PLXNB2: variants seen among roughly 807,000 people sequenced by gnomAD.
PLXNB2 encodes plexin B2.
PLXNB2 carries 85 observed loss-of-function variants against 202.6 expected under a neutral mutation model. That is an observed-to-expected ratio of 0.42 (90% CI 0.35 to 0.50). The LOEUF (loss-of-function observed/expected upper bound fraction) is 0.50, where lower values mean the gene tolerates loss of function less well. PLXNB2 is among the 20% of genes least tolerant of loss of function. The pLI is 0.02. For missense variants in PLXNB2, 2,063 were observed against 2,586.2 expected (o/e 0.80, Z 4.39); for synonymous variants, 1,239 against 1,137.6 (o/e 1.09, Z -1.79).
chr22:50,281,776 G>T, intron 20 of PLXNB2, 34 bp from the exon 21 acceptor site: 1 of 1,565,448 alleles, frequency 6.4e-7, no homozygotes. Context: ...GTGAGGAGGA[G>T]GGAACCAGGG....
In PLXNB2 at chr22:50,281,761, T is replaced by G; in HGVS notation, c.3346-19A>C. 1 of 1,559,252 alleles carries G rather than the reference T, an allele frequency of 6.4e-7. No homozygotes were observed. Among genetic ancestry groups the G allele is most frequent in the Non-Finnish European group, 8.7e-7 (1 of 1,151,750 alleles). On this transcript the variant is annotated intron_variant, in intron 20 of 36. Coordinates refer to ENST00000359337, the MANE Select transcript of PLXNB2 (RefSeq NM_012401.4). ...TGGTGCCCTGGGGAGGCGGCAGTGG[T>G]CGGGGTGAGGAGGAGGGAACCAGGG...
chr22:50,295,611 A>G (rs994919012), intron 1 of PLXNB2, among the ~76,000 whole-genome samples: 2 of 152,204 alleles, frequency 1.3e-5, no homozygotes, highest in South Asian at 4.1e-4. Context: ...AGGGAGGCAC[A>G]GACCCAGGGT....
chr22:50,282,630 CT>C, intron 18 of PLXNB2, 80 bp downstream of exon 18: 1 of 1,010,598 alleles, frequency 9.9e-7, no homozygotes, highest in Non-Finnish European at 1.4e-6. Flanking sequence ...CACCACATTC[CT>C]TTCAGCACAG....
intron 1 of PLXNB2, among the ~76,000 whole-genome samples, chr22:50,306,465 T>C (rs754758363): frequency 6.6e-6 from 1 of 152,214 alleles, no homozygotes; most frequent in Non-Finnish European, 1.5e-5. Flanking sequence ...CAGGGTCATC[T>C]GGGCATGGGG....
chr22:50,284,278 C>A lies in PLXNB2; in HGVS notation c.2182-65G>T, dbSNP rs1569166153. ...ACAGAGGGGCGTGGGGCGGGGGTCA[C>A]AAGGGCAGCCTCCCTGTGGCCACCG... is the stretch of plus-strand genomic sequence containing the variant. On this transcript the variant is annotated intron_variant, in intron 12 of 36. Coordinates refer to ENST00000359337, the MANE Select transcript of PLXNB2 (RefSeq NM_012401.4). This position sits in a 1 kb window ranked among gnomAD's most constrained non-coding sequence, Gnocchi z 8.0. The A allele has an allele frequency of 6.2e-6, 9 of 1,451,116 alleles. No individual in the cohort carries two copies. Among genetic ancestry groups the A allele is most frequent in the Admixed American group, 1.7e-5 (1 of 59,598 alleles). The allele number at this position is 1,451,116 out of a possible 1,614,324, so 89.9% of individuals were successfully genotyped here.
At chr22:50,298,165 G>A (rs941406441) in intron 1 of PLXNB2, among the ~76,000 whole-genome samples, 5 of 152,246 alleles carry the variant, frequency 3.3e-5, no homozygotes, top group African/African-American at 1.2e-4. Flanking sequence ...GTGACATGCA[G>A]GGGCGCGAGC....
At chr22:50,302,395 C>T (rs2067738256) in intron 1 of PLXNB2, among the ~76,000 whole-genome samples, 1 of 152,120 alleles carries the variant, frequency 6.6e-6, no homozygotes, top group Non-Finnish European at 1.5e-5. Flanking sequence ...GAGGTGGGTG[C>T]CCCTGGAGGC....
rs1601697711 is a variant in PLXNB2, at chr22:50,282,944, A to C, written c.2817-63T>G. On this transcript the variant is annotated intron_variant, in intron 17 of 36. Transcript: ENST00000359337. ...CCCCGGGACCAGCCCCAGCCCGACCAGGCTGGCCCCGCCATCCCCTCAGGG... is the reference window on the plus strand; with the variant it reads ...CCCCGGGACCAGCCCCAGCCCGACCCGGCTGGCCCCGCCATCCCCTCAGGG... 8.4e-6 allele frequency: 13 copies of C among 1,555,936 alleles called. No individual in the cohort carries two copies. In the Admixed American group the frequency reaches 2.4e-4, roughly 28 times the overall value.
intron 2 of PLXNB2, among the ~76,000 whole-genome samples, chr22:50,293,218 C>T (rs2067010858): frequency 6.6e-6 from 1 of 152,190 alleles, no homozygotes; most frequent in African/African-American, 2.4e-5. Flanking sequence ...CAGGGTCCCC[C>T]GCTGTGGCTC....
Position 50,281,506 on chromosome 22 carries a change from G to A in PLXNB2, c.3523-7C>T, listed in dbSNP as rs554572542. On this transcript the variant is annotated splice_region_variant and splice_polypyrimidine_tract_variant and intron_variant, in intron 21 of 36. Coordinates refer to ENST00000359337, the MANE Select transcript of PLXNB2 (RefSeq NM_012401.4). ...CGCGAGAGCCGAACTTCACCTGTGT[G>A]GGGGGCCGGGTTCAGCGCGGTCCCG... 2.5e-6 allele frequency: 4 copies of A among 1,610,620 alleles called. No homozygotes were observed. Among genetic ancestry groups the A allele is most frequent in the Admixed American group, 1.7e-5 (1 of 59,948 alleles).
At chr22:50,287,359 C>A in intron 7 of PLXNB2, 95 bp from the exon 8 acceptor site, 1 of 1,330,398 alleles carries the variant, frequency 7.5e-7, no homozygotes, top group Non-Finnish European at 1.0e-6. Context: ...GGGCGCACGT[C>A]CCAGTGGAGC....
chr22:50,282,866 C>G lies in PLXNB2; in HGVS notation c.2832G>C (p.Ala944=). 6.2e-7 allele frequency: 1 copy of G among 1,609,592 alleles called. No individual in the cohort carries two copies. The highest frequency in any genetic ancestry group is 8.5e-7 in the Non-Finnish European group (1 of 1,177,378). The change falls in exon 18 of 37, where the codon GCG becomes GCC. Residue 944 remains alanine (A), a synonymous_variant. Coordinates refer to ENST00000359337, the MANE Select transcript of PLXNB2 (RefSeq NM_012401.4). ...GGGGGCCAGTGACACACTGGAGCTG[C>G]GCCCCAAACTTCGTCCTGGGGGAGG... ...GVPCKVTKFG[A]QLQCVTGPQA... is the part of the protein sequence containing the mutation.
chr22:50,303,936 T>G (rs1218197224), intron 1 of PLXNB2, among the ~76,000 whole-genome samples: 2 of 152,094 alleles, frequency 1.3e-5, no homozygotes, highest in East Asian at 3.9e-4. Context: ...GGAAGAGAGC[T>G]GGACCTGCCC....
Position 50,287,788 on chromosome 22 carries a change from G to A in PLXNB2, c.1487C>T (p.Thr496Ile). 1.3e-6 allele frequency: 2 copies of A among 1,593,382 alleles called. No individual in the cohort carries two copies. Among genetic ancestry groups the A allele is most frequent in the Non-Finnish European group, 1.7e-6 (2 of 1,176,744 alleles). Residue 496 changes from threonine to isoleucine, a missense_variant, in exon 7 of 37, where the codon ACC (threonine) becomes ATC (isoleucine). By Grantham distance (89) the Thr-to-Ile change is moderately conservative. Around this residue, in one of 2 missense-constraint regions of PLXNB2, gnomAD observed 1,303 missense variants for 1,476.8 expected, o/e 0.88. Transcript: ENST00000359337. The stretch of plus-strand genomic sequence containing the variant: ...GGCCCGCGGACACTCGGCCTTCCGG[G>A]TGCATCTGCAGGCGCAGGGGGCGGC... ...CGWCVVEGRC[T>I]RKAECPRAEE...
At chr22:50,276,319 GCCGCAGGGAGGGGGCGC>G (rs1427515721) in intron 35 of PLXNB2, among the ~76,000 whole-genome samples, 364 of 149,470 alleles carry the variant, frequency 2.4e-3, no homozygotes, top group South Asian at 3.6e-3. Context: ...CGTGGATGGA[GCCGCAGGGAGGGGGCGC>G]TGTGGGCACG....
chr22:50,293,474 T>C (rs28455041), intron 2 of PLXNB2, among the ~76,000 whole-genome samples: 54,204 of 151,848 alleles, frequency 0.36, 10,795 homozygotes, highest in African/African-American at 0.54. Context: ...CCCTCGGCCC[T>C]GCGCCCAGGC....
rs2067336791 is a variant in PLXNB2, at chr22:50,297,154, T to G, written c.-73-2376A>C. Among the ~76,000 whole-genome samples, 1 of 151,922 alleles carries G rather than the reference T, an allele frequency of 6.6e-6. No homozygotes were observed. The highest frequency in any genetic ancestry group is 1.5e-5 in the Non-Finnish European group (1 of 67,984). The stretch of plus-strand genomic sequence containing the variant: ...TGGAGACTGCAGCTCCCGACGGAGG[T>G]GGCAGCCATGGCGGTGGCACGGTAC... On this transcript the variant is annotated intron_variant, in intron 1 of 36. Transcript: ENST00000359337. This position sits in a 1 kb window ranked among gnomAD's most constrained non-coding sequence, Gnocchi z 5.3.
At chr22:50,281,266 C>T (rs983549224) in intron 22 of PLXNB2, 77 bp from the exon 23 acceptor site, 40 of 1,572,226 alleles carry the variant, frequency 2.5e-5, no homozygotes, top group East Asian at 6.8e-5. Context: ...TGGATCTACA[C>T]GCCTGCCTGT....
rs1373887126 is a variant in PLXNB2, at chr22:50,307,594, C to T, written c.-115G>A. ...AAGGCTCGATGGCGCCCGGGCCGCG[C>T]TCGGCGCTGCGCTCTGGCCCGCGCT... On this transcript the variant is annotated 5_prime_UTR_variant, in exon 1 of 37. Coordinates refer to ENST00000359337, the MANE Select transcript of PLXNB2 (RefSeq NM_012401.4). The T allele has an allele frequency of 1.0e-6, 1 of 982,082 alleles. No individual in the cohort carries two copies. Among genetic ancestry groups the T allele is most frequent in the Non-Finnish European group, 1.2e-6 (1 of 828,736 alleles). 60.8% of individuals were successfully genotyped at this position (982,082 alleles called of 1,614,324 possible).
Sources: gnomAD v4.1 joint callset for allele counts (sites outside exome capture counted in the v4.1 genomes callset) on GRCh38, gnomAD v4.1.1 for gene constraint, gnomAD v4.1.1 regional missense constraint, Gnocchi (gnomAD v3.1) non-coding constraint, MANE v1.5 for transcripts, NCBI Gene and HGNC (gene_info 2026-07-23, HGNC 2026-07-21) for gene names.